ZNRF2: variants seen among roughly 807,000 people sequenced by gnomAD.
ZNRF2 encodes the protein zinc and ring finger 2, also known as E3 ubiquitin-protein ligase ZNRF2.
A neutral mutation model predicts 20.4 loss-of-function variants in ZNRF2; 16 were observed. That is an observed-to-expected ratio of 0.79 (90% CI 0.53 to 1.19). The LOEUF is 1.19. Among genes scored for constraint, ZNRF2 ranks in the 50% most tolerant of loss-of-function variants. The pLI is 0.00. For missense variants in ZNRF2, 363 were observed against 332.4 expected (o/e 1.09, Z -0.72); for synonymous variants, 178 against 144.9 (o/e 1.23, Z -1.64).
chr7:30,285,382 G>A lies in ZNRF2; in HGVS notation c.25G>A (p.Ala9Thr). Reference sequence around the variant, plus strand: ...CATGGGCGCCAAACAGAGCGGCCCGGCCGCCGCTAACGGCCGCACGCGCGC... The same window carrying A: ...CATGGGCGCCAAACAGAGCGGCCCGACCGCCGCTAACGGCCGCACGCGCGC... MGAKQSGP[A>T]AANGRTRAYS... The change falls in exon 1 of 5, where the codon GCC becomes ACC. Residue 9 changes from alanine (A) to threonine (T), a missense_variant. Ala to Thr is a moderately conservative substitution (Grantham distance 58). This residue lies in a region of ZNRF2 where 302 missense variants were observed against 231.5 expected (regional missense o/e 1.30). Coordinates refer to ENST00000323037, the MANE Select transcript of ZNRF2 (RefSeq NM_147128.4). 3 of 1,233,510 alleles carry A rather than the reference G, an allele frequency of 2.4e-6. No homozygotes were observed. Among genetic ancestry groups the A allele is most frequent in the Non-Finnish European group, 2.1e-6 (2 of 971,486 alleles). The allele number at this position is 1,233,510 out of a possible 1,614,324, so 76.4% of individuals were successfully genotyped here.
chr7:30,313,824 A>G (rs956146021), intron 1 of ZNRF2, among the ~76,000 whole-genome samples: 1 of 152,138 alleles, frequency 6.6e-6, no homozygotes, highest in Non-Finnish European at 1.5e-5. Flanking sequence ...CCCAGTGGTG[A>G]TGTGTGGCCA....
intron 1 of ZNRF2, among the ~76,000 whole-genome samples, chr7:30,300,106 T>C (rs574822077): frequency 6.7e-6 from 1 of 148,934 alleles, no homozygotes; most frequent in South Asian, 2.1e-4. Flanking sequence ...CTCCATAACA[T>C]ATATTTAGAG....
At chr7:30,311,209 T>C (rs1799287461) in intron 1 of ZNRF2, among the ~76,000 whole-genome samples, 1 of 152,130 alleles carries the variant, frequency 6.6e-6, no homozygotes, top group African/African-American at 2.4e-5. Flanking sequence ...TTGGAGTCAA[T>C]AGGGGTCCGG....
At chr7:30,339,307 G>A (rs563233643) in intron 2 of ZNRF2, among the ~76,000 whole-genome samples, 38 of 152,104 alleles carry the variant, frequency 2.5e-4, no homozygotes, top group African/African-American at 8.4e-4. Context: ...TTTTGTTGCC[G>A]TTGCTTTTGG....
At chr7:30,295,720 A>C (rs1191246961) in intron 1 of ZNRF2, among the ~76,000 whole-genome samples, 1 of 152,220 alleles carries the variant, frequency 6.6e-6, no homozygotes, top group Non-Finnish European at 1.5e-5. Flanking sequence ...AAAACAAAAC[A>C]AAAACCTGCT....
chr7:30,302,262 C>T (rs1253741125), intron 1 of ZNRF2, among the ~76,000 whole-genome samples: 1 of 152,122 alleles, frequency 6.6e-6, no homozygotes, highest in Non-Finnish European at 1.5e-5. Context: ...CTTAAATGTT[C>T]TTTTGTATTT....
At chr7:30,308,405 CT>C (rs1799241725) in intron 1 of ZNRF2, among the ~76,000 whole-genome samples, 1 of 152,076 alleles carries the variant, frequency 6.6e-6, no homozygotes, top group African/African-American at 2.4e-5. Flanking sequence ...GCACAGATTT[CT>C]TTAGGACAGT....
intron 2 of ZNRF2, among the ~76,000 whole-genome samples, chr7:30,324,244 G>A (rs141934285): frequency 6.6e-6 from 1 of 151,778 alleles, no homozygotes; most frequent in Admixed American, 6.6e-5. Context: ...AATGAAAAAG[G>A]CAGATATGGC....
chr7:30,347,402 T>A (rs936716575), intron 2 of ZNRF2, among the ~76,000 whole-genome samples: 1 of 152,216 alleles, frequency 6.6e-6, no homozygotes. Flanking sequence ...TCAGTGTCAG[T>A]GAGAGCAGCC....
At chr7:30,342,836 G>A (rs183704966) in intron 2 of ZNRF2, among the ~76,000 whole-genome samples, 5 of 152,092 alleles carry the variant, frequency 3.3e-5, no homozygotes, top group African/African-American at 1.2e-4. Flanking sequence ...TATTTTGGGG[G>A]TGTCTTTTTT....
chr7:30,363,254 A>G (rs1013788168), intron 4 of ZNRF2, among the ~76,000 whole-genome samples: 1 of 152,220 alleles, frequency 6.6e-6, no homozygotes, highest in Non-Finnish European at 1.5e-5. Context: ...CCAAAAAATA[A>G]TAATTCTAAT....
chr7:30,297,291 CTTT>C (rs539718711), intron 1 of ZNRF2, among the ~76,000 whole-genome samples: 201 of 152,246 alleles, frequency 1.3e-3, no homozygotes, highest in African/African-American at 4.5e-3. Context: ...TGAGATCTGT[CTTT>C]TTTCATCATC....
intron 1 of ZNRF2, among the ~76,000 whole-genome samples, chr7:30,289,625 C>T (rs1798860491): frequency 6.6e-6 from 1 of 152,158 alleles, no homozygotes; most frequent in African/African-American, 2.4e-5. Flanking sequence ...CTTGTAATTT[C>T]ATACCTTCGT....
At chr7:30,320,964 T>G (rs1562612002) in intron 1 of ZNRF2, among the ~76,000 whole-genome samples, 1 of 152,220 alleles carries the variant, frequency 6.6e-6, no homozygotes, top group Non-Finnish European at 1.5e-5. Context: ...TGTATCATTC[T>G]GTGAGACCTT....
intron 2 of ZNRF2, among the ~76,000 whole-genome samples, chr7:30,348,209 T>G (rs1313075168): frequency 6.7e-6 from 1 of 149,546 alleles, no homozygotes; most frequent in African/African-American, 2.5e-5. Context: ...TGACTTCAGC[T>G]GAGTCACCAA....
intron 3 of ZNRF2, among the ~76,000 whole-genome samples, chr7:30,361,106 C>T (rs767642970): frequency 9.2e-5 from 14 of 152,108 alleles, no homozygotes; most frequent in Non-Finnish European, 1.9e-4. Context: ...CATGTTAGCT[C>T]GCAAATAGAT....
chr7:30,290,876 G>A (rs1798894583), intron 1 of ZNRF2, among the ~76,000 whole-genome samples: 2 of 152,120 alleles, frequency 1.3e-5, no homozygotes, highest in Admixed American at 1.3e-4. Flanking sequence ...CCCCTTTTAG[G>A]GGCTGGACAT....
chr7:30,350,817 G>A, intron 2 of ZNRF2, among the ~76,000 whole-genome samples: 1 of 151,852 alleles, frequency 6.6e-6, no homozygotes. Flanking sequence ...GAGGGTTCAA[G>A]AACAAAAAAT....
intron 1 of ZNRF2, among the ~76,000 whole-genome samples, chr7:30,300,412 G>C (rs1285009942): frequency 6.6e-6 from 1 of 152,184 alleles, no homozygotes; most frequent in Non-Finnish European, 1.5e-5. Context: ...CTCCCAAAGT[G>C]CTGGGATTGC....
Sources: gnomAD v4.1 joint callset for allele counts (sites outside exome capture counted in the v4.1 genomes callset) on GRCh38, gnomAD v4.1.1 for gene constraint, gnomAD v4.1.1 regional missense constraint, MANE v1.5 for transcripts, NCBI Gene and HGNC (gene_info 2026-07-23, HGNC 2026-07-21) for gene names.